The following TPD52L2 variants were observed in gnomAD, a reference collection of about 807,000 sequenced individuals.
TPD52L2 encodes tumor protein D54.
Under a neutral mutation model 24.7 loss-of-function variants are expected in TPD52L2, and 19 were observed. The observed-to-expected ratio is 0.77, with a 90% confidence interval of 0.54 to 1.13. The LOEUF (loss-of-function observed/expected upper bound fraction) is 1.13, where lower values mean the gene tolerates loss of function less well. TPD52L2 is among the 50% of genes most tolerant of loss of function. The pLI, the probability that TPD52L2 is intolerant of heterozygous loss-of-function variation, is 0.00. For missense variants in TPD52L2, 236 were observed against 250.4 expected (o/e 0.94, Z 0.39); for synonymous variants, 104 against 100.2 (o/e 1.04, Z -0.23).
intron 5 of TPD52L2, among the ~76,000 whole-genome samples, chr20:63,883,723 G>A (rs2052986080): frequency 1.3e-5 from 2 of 152,038 alleles, no homozygotes; most frequent in South Asian, 4.2e-4. Flanking sequence ...CTAAAGGACC[G>A]GTGTGTGGAG....
chr20:63,865,499 C>A, intron 1 of TPD52L2, 115 bp downstream of exon 1: 1 of 1,358,142 alleles, frequency 7.4e-7, no homozygotes, highest in Non-Finnish European at 9.8e-7. Flanking sequence ...TCACCCACCC[C>A]GCGGCCCCTC....
Position 63,875,825 on chromosome 20 carries a change from A to C in TPD52L2, c.324A>C (p.Lys108Asn). The C allele has an allele frequency of 6.2e-7, 1 of 1,614,170 alleles. No individual in the cohort carries two copies. Among genetic ancestry groups the C allele is most frequent in the Non-Finnish European group, 8.5e-7 (1 of 1,180,004 alleles). The change falls in exon 4 of 7, where the codon AAA (lysine) becomes AAC (asparagine). Residue 108 changes from lysine (K) to asparagine (N), a missense_variant. Lys to Asn is a moderately conservative substitution (Grantham distance 94, BLOSUM62 0). Transcript: ENST00000346249. ...HDVQVSSAYV[K>N]TSEKLGEWNE... is the part of the protein sequence containing the mutation. ...GACTTTCTGTTTTTAGCTATGTGAAAACTTCTGAGAAACTTGGAGAGTGGA... is the reference window on the plus strand; with the variant it reads ...GACTTTCTGTTTTTAGCTATGTGAACACTTCTGAGAAACTTGGAGAGTGGA...
At position 63,877,909 on chromosome 20, in the gene TPD52L2, C is replaced by T. The variant is rs1200010409; in HGVS notation, c.374+2034C>T. 6.6e-6 allele frequency among the ~76,000 whole-genome samples: 1 copy of T among 151,940 alleles called. No homozygotes were observed. The highest frequency in any genetic ancestry group is 1.9e-4 in the East Asian group (1 of 5,168). ...CTGCCGGGACGGCCCAGGCCGAGGG[C>T]GATGGTTTCTGGTGGGAAGGCCCAG... On this transcript the variant is annotated intron_variant, in intron 4 of 6. Transcript: ENST00000346249. The surrounding 1 kb of genome is among the most constrained non-coding windows in gnomAD (Gnocchi z 4.1).
chr20:63,871,441 C>T (rs1306552692), intron 2 of TPD52L2, among the ~76,000 whole-genome samples: 1 of 151,972 alleles, frequency 6.6e-6, no homozygotes, highest in African/African-American at 2.4e-5. Context: ...CCTCCACCTC[C>T]TGAGTTGAAG....
intron 6 of TPD52L2, among the ~76,000 whole-genome samples, 161 bp from the exon 7 acceptor site, chr20:63,889,689 C>T (rs78311577): frequency 0.031 from 4,653 of 152,328 alleles, 90 homozygotes; most frequent in Non-Finnish European, 0.051. Context: ...TCTCTGGAGA[C>T]CTGTTGGGGC....
chr20:63,866,771 T>TTA (rs1555870209), intron 1 of TPD52L2, among the ~76,000 whole-genome samples: 5 of 149,830 alleles, frequency 3.3e-5, no homozygotes, highest in East Asian at 2.0e-4. Flanking sequence ...TTTTTTTTTT[T>TTA]TTTTTAATTT....
At chr20:63,872,902 C>T (rs187645656) in intron 2 of TPD52L2, among the ~76,000 whole-genome samples, 188 of 151,482 alleles carry the variant, frequency 1.2e-3, no homozygotes, top group African/African-American at 4.2e-3. Context: ...GACAGGGTTT[C>T]GCTGTGTTAA....
In TPD52L2 at chr20:63,877,648, C is replaced by G. The variant is rs1307627453; in HGVS notation, c.374+1773C>G. Among the ~76,000 whole-genome samples the G allele has an allele frequency of 1.3e-5, 2 of 152,236 alleles. No individual in the cohort carries two copies. Among genetic ancestry groups the G allele is most frequent in the African/African-American group, 4.8e-5 (2 of 41,464 alleles). ...AGACTTCAGTGCTGTTTTGTAAAAC[C>G]AACTGACATAAAGCTGCCGGGATCC... On this transcript the variant is annotated intron_variant, in intron 4 of 6. Transcript: ENST00000346249. This position sits in a 1 kb window ranked among gnomAD's most constrained non-coding sequence, Gnocchi z 4.1.
At chr20:63,889,315 A>C (rs2053248500) in intron 6 of TPD52L2, 77 bp downstream of exon 6, 1 of 1,281,876 alleles carries the variant, frequency 7.8e-7, no homozygotes, top group South Asian at 1.2e-5. Context: ...TTAGTCATTT[A>C]GTTATGGTAG....
chr20:63,881,208 A>G (rs1338959032), intron 4 of TPD52L2, among the ~76,000 whole-genome samples: 2 of 152,108 alleles, frequency 1.3e-5, no homozygotes, highest in East Asian at 3.9e-4. Flanking sequence ...CTAAAAAGAC[A>G]AATTTAGCAG....
At chr20:63,881,971 T>C (rs2052916071) in intron 4 of TPD52L2, among the ~76,000 whole-genome samples, 1 of 152,200 alleles carries the variant, frequency 6.6e-6, no homozygotes, top group Non-Finnish European at 1.5e-5. Context: ...AGCTTTGCTT[T>C]GATGGGATGT....
At chr20:63,887,741 T>C in intron 5 of TPD52L2, 1 of 900,272 alleles carries the variant, frequency 1.1e-6, no homozygotes, top group East Asian at 2.4e-5. Flanking sequence ...CAACCTCTGA[T>C]GACTAAGGGC....
Position 63,873,757 on chromosome 20 carries a change from C to T in TPD52L2, c.255C>T (p.Thr85=). The change falls in exon 3 of 7, where the codon ACC becomes ACT. Residue 85 remains threonine (T), a synonymous_variant. Transcript: ENST00000346249. ...TCAAGAGGAGGCTGGGCCTCTCCAC[C>T]CTGGGGGAGCTGAAACAGAACCTGT... ...GELKRRLGLS[T]LGELKQNLSR... 1.2e-6 allele frequency: 2 copies of T among 1,601,636 alleles called. No individual in the cohort carries two copies. Among genetic ancestry groups the T allele is most frequent in the South Asian group, 2.2e-5 (2 of 89,060 alleles).
At position 63,891,255 on chromosome 20, in the gene TPD52L2, G is replaced by C. The variant is rs2053310002; in HGVS notation, c.*1310G>C. On this transcript the variant is annotated 3_prime_UTR_variant, in exon 7 of 7. Coordinates refer to ENST00000346249, the MANE Select transcript of TPD52L2 (RefSeq NM_003288.4). This position sits in a 1 kb window ranked among gnomAD's most constrained non-coding sequence, Gnocchi z 4.7. ...GTGTGCCCGGCTCTGCCACTCCCGG[G>C]AGGGGAAGGGCTGCTCAGCTCAAGG... 1 of 152,830 alleles carries C rather than the reference G, an allele frequency of 6.5e-6. No individual in the cohort carries two copies. Among genetic ancestry groups the C allele is most frequent in the Non-Finnish European group, 1.5e-5 (1 of 68,142 alleles). The allele number at this position is 152,830 out of a possible 1,614,324, so 9.5% of individuals were successfully genotyped here. A position where few individuals can be genotyped will look rare whatever the true frequency, so the allele number is the denominator to read the frequency against.
chr20:63,865,498 C>T (rs910778630), intron 1 of TPD52L2, 114 bp downstream of exon 1: 18 of 1,365,160 alleles, frequency 1.3e-5, no homozygotes, highest in Admixed American at 5.5e-5. Context: ...TTCACCCACC[C>T]CGCGGCCCCT....
intron 4 of TPD52L2, among the ~76,000 whole-genome samples, chr20:63,881,780 T>C (rs2052909598): frequency 6.6e-6 from 1 of 152,220 alleles, no homozygotes; most frequent in African/African-American, 2.4e-5. Context: ...ATAAGGTGGC[T>C]GTGGGTTCGC....
At chr20:63,871,932 C>T (rs765627727) in intron 2 of TPD52L2, among the ~76,000 whole-genome samples, 2 of 151,926 alleles carry the variant, frequency 1.3e-5, no homozygotes, top group Non-Finnish European at 2.9e-5. Flanking sequence ...TCGTACCCGG[C>T]CAAGAAAGAG....
intron 2 of TPD52L2, 75 bp downstream of exon 2, chr20:63,869,516 C>A: frequency 6.3e-7 from 1 of 1,579,292 alleles, no homozygotes; most frequent in East Asian, 2.3e-5. Context: ...GGCCAGGGTA[C>A]TGGCCACGCT....
At chr20:63,876,361 T>C (rs1192818671) in intron 4 of TPD52L2, among the ~76,000 whole-genome samples, 1 of 152,142 alleles carries the variant, frequency 6.6e-6, no homozygotes, top group Non-Finnish European at 1.5e-5. Context: ...GATATGCTGG[T>C]GGAAATTTGA....
Sources: allele counts gnomAD v4.1 joint callset (sites outside exome capture counted in the v4.1 genomes callset), GRCh38; gene constraint gnomAD v4.1.1; non-coding constraint Gnocchi (gnomAD v3.1); transcripts MANE v1.5; gene names NCBI Gene and HGNC (gene_info 2026-07-23, HGNC 2026-07-21).